Variants in SMC3 observed in about 807,000 individuals in gnomAD.
SMC3 encodes the protein structural maintenance of chromosomes protein 3.
Under a neutral mutation model 171.8 loss-of-function variants are expected in SMC3, and 20 were observed. The ratio of observed to expected loss-of-function variants is 0.12; its 90% confidence interval spans 0.08 to 0.17. SMC3 has a LOEUF of 0.17. Ranked by LOEUF, SMC3 falls within the 10% of genes least tolerant of loss-of-function variation. SMC3 has a pLI of 1.00. For synonymous variants in SMC3, 464 were observed against 451.1 expected, an observed-to-expected ratio of 1.03 and a Z score of -0.36; for missense variants, 543 against 1,420.4, an observed-to-expected ratio of 0.38 and a Z score of 9.93.
chr10:110,569,386 C>G (rs896491652), intron 2 of SMC3, among the ~76,000 whole-genome samples: 2 of 152,082 alleles, frequency 1.3e-5, no homozygotes, highest in African/African-American at 4.8e-5. Flanking sequence ...CCCCCCCCAC[C>G]CCGGCAGTCA....
chr10:110,579,655 G>A (rs1425435470), intron 7 of SMC3, among the ~76,000 whole-genome samples: 2 of 152,076 alleles, frequency 1.3e-5, no homozygotes, highest in East Asian at 3.9e-4. Flanking sequence ...CATGAGGGTG[G>A]GACCTTTTCT....
chr10:110,568,935 T>C lies in SMC3; in HGVS notation c.16-3T>C, dbSNP rs750737136. 6.4e-7 allele frequency: 1 copy of C among 1,565,258 alleles called. No individual in the cohort carries two copies. The highest frequency in any genetic ancestry group is 8.8e-7 in the Non-Finnish European group (1 of 1,135,676). ...GTTCTCAAAAATGTTTTTTATTTAC[T>C]AGGTGATTATCCAGGGTTTTCGAAG... is the stretch of plus-strand genomic sequence containing the variant. On this transcript the variant is annotated splice_polypyrimidine_tract_variant and splice_region_variant and intron_variant, in intron 1 of 28. Transcript: ENST00000361804.
At chr10:110,577,998 G>A (rs2134719615) in intron 6 of SMC3, 84 bp downstream of exon 6, 5 of 930,044 alleles carry the variant, frequency 5.4e-6, no homozygotes, top group Admixed American at 1.8e-5. Context: ...GGTTGGTCTC[G>A]AACTCTTGGC....
At chr10:110,595,351 T>C (rs2134743373) in intron 18 of SMC3, among the ~76,000 whole-genome samples, 1 of 152,274 alleles carries the variant, frequency 6.6e-6, no homozygotes, top group Middle Eastern at 3.4e-3. Flanking sequence ...AAAGTTCCAT[T>C]TTCTGGATTT....
chr10:110,600,124 T>A (rs1861363200), intron 21 of SMC3, among the ~76,000 whole-genome samples: 1 of 152,240 alleles, frequency 6.6e-6, no homozygotes, highest in Non-Finnish European at 1.5e-5. Context: ...ACATATTTAA[T>A]GTTTTGATCA....
At chr10:110,603,094 T>C in intron 27 of SMC3, 90 bp from the exon 28 acceptor site, 1 of 1,552,768 alleles carries the variant, frequency 6.4e-7, no homozygotes, top group Non-Finnish European at 8.9e-7. Flanking sequence ...TCAGGCAGTT[T>C]TGAATTTTAG....
Position 110,599,803 on chromosome 10 carries a change from A to G in SMC3, c.2418A>G (p.Gln806=), listed in dbSNP as rs541379869. Residue 806 remains glutamine (Q), a synonymous_variant, in exon 21 of 29, where the codon CAA becomes CAG. Coordinates refer to ENST00000361804, the MANE Select transcript of SMC3 (RefSeq NM_005445.4). ...ATGCACTGAATGATGAGATTCGTCA[A>G]CTTCAGCAGGTAAGTAGACAGCTGA... is the stretch of plus-strand genomic sequence containing the variant. ...RVDALNDEIR[Q]LQQENRQLLN... is the part of the protein sequence containing the mutation. 4.3e-6 allele frequency: 7 copies of G among 1,614,122 alleles called. No homozygotes were observed. Among genetic ancestry groups the G allele is most frequent in the Admixed American group, 1.7e-5 (1 of 60,028 alleles).
chr10:110,573,816 A>AATTT, intron 3 of SMC3, 71 bp downstream of exon 3: 1 of 1,058,844 alleles, frequency 9.4e-7, no homozygotes, highest in Non-Finnish European at 1.5e-6. Flanking sequence ...TAAAATCATT[A>AATTT]ATTTTCTGAG....
At chr10:110,577,278 T>C (rs1860966343) in intron 4 of SMC3, 143 bp from the exon 5 acceptor site, 1 of 677,016 alleles carries the variant, frequency 1.5e-6, no homozygotes, top group Non-Finnish European at 2.7e-6. Flanking sequence ...GACGTTAGAT[T>C]AGTGTGTGTG....
In SMC3 at chr10:110,580,823, AT is replaced by A; in HGVS notation, c.430-79del. ...TAAGGGATACCCAACCTTCATGTGT[AT>A]TAAAAACCTTTCAACGTGGAGTTCT... On this transcript the variant is annotated intron_variant, in intron 7 of 28. Coordinates refer to ENST00000361804, the MANE Select transcript of SMC3 (RefSeq NM_005445.4). 6 of 809,718 alleles carry A rather than the reference AT, an allele frequency of 7.4e-6. No individual in the cohort carries two copies. The Admixed American group carries it at 1.0e-4, about 14-fold the overall frequency. The allele number at this position is 809,718 out of a possible 1,614,324, so 50.2% of individuals were successfully genotyped here.
At chr10:110,585,358 C>G (rs1322119458) in intron 13 of SMC3, among the ~76,000 whole-genome samples, 1 of 149,068 alleles carries the variant, frequency 6.7e-6, no homozygotes, top group Non-Finnish European at 1.5e-5. Context: ...GGCATGATCT[C>G]AGCTCACTGC....
chr10:110,589,952 TGAAAA>T lies in SMC3; in HGVS notation c.1474_1478del (p.Lys492AlafsTer5). 1 of 1,614,022 alleles carries T rather than the reference TGAAAA, an allele frequency of 6.2e-7. No homozygotes were observed. The highest frequency in any genetic ancestry group is 8.5e-7 in the Non-Finnish European group (1 of 1,179,992). On this transcript the variant is annotated frameshift_variant, in exon 15 of 29. Coordinates refer to ENST00000361804, the MANE Select transcript of SMC3 (RefSeq NM_005445.4). LOFTEE classifies it high-confidence loss of function. ...CACTTGCTGCTAAAAGAGAAGATCT[TGAAAA>T]GAAGCAACAACTTCTTAGAGCAGCA...
In SMC3 at chr10:110,605,428, T is replaced by C. The variant is rs2134757225; in HGVS notation, c.*1126T>C. Among the ~76,000 whole-genome samples the C allele has an allele frequency of 6.6e-6, 1 of 152,340 alleles. No individual in the cohort carries two copies. The highest frequency in any genetic ancestry group is 1.9e-4 in the East Asian group (1 of 5,192). The stretch of plus-strand genomic sequence containing the variant: ...TTCAAATATTTACCTTTAATTTCTT[T>C]TTCTTGATTTCCCCTGGCCTGAGTT... On this transcript the variant is annotated 3_prime_UTR_variant, in exon 29 of 29. Coordinates refer to ENST00000361804, the MANE Select transcript of SMC3 (RefSeq NM_005445.4).
At chr10:110,589,793 G>T in intron 14 of SMC3, 85 bp downstream of exon 14, 1 of 1,442,476 alleles carries the variant, frequency 6.9e-7, no homozygotes. Context: ...CAAGTTAACC[G>T]GTCAGGCTTG....
chr10:110,596,680 GT>G, intron 19 of SMC3, 130 bp downstream of exon 19: 1 of 854,558 alleles, frequency 1.2e-6, no homozygotes, highest in Non-Finnish European at 1.7e-6. Flanking sequence ...GCTTATGTTT[GT>G]TTAGCTTTTG....
rs1488636661 is a variant in SMC3, at chr10:110,575,338, A to G, written c.133A>G (p.Ile45Val). The change falls in exon 4 of 29, where the codon ATT becomes GTT. Residue 45 changes from isoleucine to valine, a missense_variant and splice_region_variant. By Grantham distance (29) the Ile-to-Val change is conservative. This residue lies in a region of SMC3 where 146 missense variants were observed against 437.9 expected (regional missense o/e 0.33). Transcript: ENST00000361804. Reference sequence around the variant, plus strand: ...AATAGTTGTTTTTGTATTTCCAGCAATTCAGTTTGTTCTCAGTGATGAGTT... The same window carrying G: ...AATAGTTGTTTTTGTATTTCCAGCAGTTCAGTTTGTTCTCAGTGATGAGTT... ...GSGKSNFFYA[I>V]QFVLSDEFSH... 1 of 1,613,282 alleles carries G rather than the reference A, an allele frequency of 6.2e-7. No individual in the cohort carries two copies.
At chr10:110,604,107 A>C (rs575992710) in intron 28 of SMC3, 124 bp from the exon 29 acceptor site, 7 of 521,418 alleles carry the variant, frequency 1.3e-5, no homozygotes, top group South Asian at 5.6e-5. Context: ...AAAAAAAAAA[A>C]AAAAAAAAAA....
Position 110,568,922 on chromosome 10 carries a change from GTT to G in SMC3, c.16-11_16-10del. 6.6e-7 allele frequency: 1 copy of G among 1,514,452 alleles called. No homozygotes were observed. Among genetic ancestry groups the G allele is most frequent in the South Asian group, 1.1e-5 (1 of 88,928 alleles). 93.8% of individuals were successfully genotyped at this position (1,514,452 alleles called of 1,614,324 possible). A position where few individuals can be genotyped will look rare whatever the true frequency, so the allele number is the denominator to read the frequency against. ...TTTTGTGGGGTGGGTTCTCAAAAAT[GTT>G]TTTTATTTACTAGGTGATTATCCAG... On this transcript the variant is annotated splice_polypyrimidine_tract_variant and intron_variant, in intron 1 of 28. Transcript: ENST00000361804.
chr10:110,583,811 A>G, intron 11 of SMC3, 30 bp from the exon 12 acceptor site: 1 of 1,609,606 alleles, frequency 6.2e-7, no homozygotes, highest in Non-Finnish European at 8.5e-7. Flanking sequence ...AAAAAATTTA[A>G]AGCAGTTTGC....
Sources: allele counts gnomAD v4.1 joint callset (sites outside exome capture counted in the v4.1 genomes callset), GRCh38; gene constraint gnomAD v4.1.1; regional missense constraint gnomAD v4.1.1; transcripts MANE v1.5; gene names NCBI Gene and HGNC (gene_info 2026-07-23, HGNC 2026-07-21).